The following GPHN variants were observed in gnomAD, a reference collection of about 807,000 sequenced individuals.
GPHN encodes the protein gephyrin.
Under a neutral mutation model 95.5 loss-of-function variants are expected in GPHN, and 17 were observed. The observed-to-expected ratio is 0.18, with a 90% CI of 0.12 to 0.27. The LOEUF (loss-of-function observed/expected upper bound fraction) is 0.27. GPHN is among the 10% of genes least tolerant of loss of function. The probability of loss-of-function intolerance (pLI) is 1.00; values close to 1 mark genes in which losing one functional copy is unlikely to be tolerated. For synonymous variants in GPHN, 320 were observed against 322.5 expected (o/e 0.99, Z 0.08); for missense variants, 660 against 978.1 (o/e 0.67, Z 4.34).
At chr14:66,706,733 C>G (rs935322928) in intron 2 of GPHN, among the ~76,000 whole-genome samples, 2 of 152,050 alleles carry the variant, frequency 1.3e-5, no homozygotes, top group African/African-American at 4.8e-5. Context: ...TAGGTAATAC[C>G]ATTCAGGACA....
At chr14:67,207,036 C>T in the GPHN span, among the ~76,000 whole-genome samples, 28,692 of 151,944 alleles carry the variant, frequency 0.19, 4,296 homozygotes, top group East Asian at 0.42. Flanking sequence ...TTTCCAAATA[C>T]GCTATAATAA....
Position 66,565,432 on chromosome 14 carries a change from A to G in GPHN, c.64+56841A>G, listed in dbSNP as rs919027377. On this transcript the variant is annotated intron_variant, in intron 1 of 22. Coordinates refer to ENST00000478722, the MANE Select transcript of GPHN (RefSeq NM_020806.5). ...TCTCATCTCAGCCTCCCGAGTAGCCAGGACTACAGACATGCACCACCACAC... is the reference window on the plus strand; with the variant it reads ...TCTCATCTCAGCCTCCCGAGTAGCCGGGACTACAGACATGCACCACCACAC... Among the ~76,000 whole-genome samples, 7 of 151,978 alleles carry G rather than the reference A, an allele frequency of 4.6e-5. 1 individual carries two copies. Among genetic ancestry groups the G allele is most frequent in the Non-Finnish European group, 8.8e-5 (6 of 67,976 alleles).
intron 1 of GPHN, among the ~76,000 whole-genome samples, chr14:66,655,384 T>G (rs1255994720): frequency 6.6e-6 from 1 of 152,180 alleles, no homozygotes; most frequent in Admixed American, 6.5e-5. Context: ...TGGCATTATA[T>G]TTTAATTTAA....
At chr14:67,122,627 G>C (rs1003721373) in intron 17 of GPHN, among the ~76,000 whole-genome samples, 1 of 152,168 alleles carries the variant, frequency 6.6e-6, no homozygotes, top group Admixed American at 6.5e-5. Context: ...GGATGTTTTT[G>C]TAATAGTTTT....
At chr14:66,858,256 AG>A (rs2062879287) in intron 4 of GPHN, among the ~76,000 whole-genome samples, 2 of 151,768 alleles carry the variant, frequency 1.3e-5, no homozygotes, top group Admixed American at 6.6e-5. Context: ...CAGCTCCAAA[AG>A]AGACCCCATG....
the GPHN span, among the ~76,000 whole-genome samples, chr14:67,233,456 G>A: frequency 6.6e-6 from 1 of 152,278 alleles, no homozygotes; most frequent in African/African-American, 2.4e-5. Context: ...TTCTGCCATA[G>A]TCTATCACAT....
chr14:67,530,938 A>G, the GPHN span, among the ~76,000 whole-genome samples: 1 of 152,218 alleles, frequency 6.6e-6, no homozygotes, highest in Non-Finnish European at 1.5e-5. Context: ...ATGGCAGCTA[A>G]TACAATCATT....
At chr14:67,082,898 T>C (rs1045981184) in intron 11 of GPHN, among the ~76,000 whole-genome samples, 1 of 152,224 alleles carries the variant, frequency 6.6e-6, no homozygotes, top group African/African-American at 2.4e-5. Context: ...AGTTGATGGA[T>C]ATTTAGGTTT....
the GPHN span, among the ~76,000 whole-genome samples, chr14:67,696,470 T>G: frequency 6.6e-6 from 1 of 152,220 alleles, no homozygotes; most frequent in African/African-American, 2.4e-5. Flanking sequence ...CTTGAAGACA[T>G]TCTCAGGAGA....
rs933127751 is a variant in GPHN, at chr14:66,800,211, C to T, written c.201+23690C>T. On this transcript the variant is annotated intron_variant, in intron 3 of 22. Transcript: ENST00000478722. ...TATTATTTTTAATTGGTTTATTAGT[C>T]TTTCTACTTAAGATAAGAATAGTCT... 2.0e-5 allele frequency among the ~76,000 whole-genome samples: 3 copies of T among 152,050 alleles called. No individual in the cohort carries two copies. In the East Asian group the frequency reaches 5.8e-4, roughly 29 times the overall value.
chr14:67,714,332 A>T, the GPHN span, among the ~76,000 whole-genome samples: 1 of 151,720 alleles, frequency 6.6e-6, no homozygotes, highest in Admixed American at 6.6e-5. Flanking sequence ...TAGAGCTGAG[A>T]TCTGATTATG....
At chr14:67,668,799 G>T in the GPHN span, among the ~76,000 whole-genome samples, 2 of 152,228 alleles carry the variant, frequency 1.3e-5, no homozygotes, top group Non-Finnish European at 2.9e-5. Flanking sequence ...TGGGGCCTGA[G>T]AATTTGCATT....
chr14:66,695,191 AAAT>A (rs1204226017), intron 2 of GPHN, among the ~76,000 whole-genome samples: 1 of 152,002 alleles, frequency 6.6e-6, no homozygotes, highest in Non-Finnish European at 1.5e-5. Flanking sequence ...ATAAAAATAA[AAAT>A]AAACTCTATT....
intron 9 of GPHN, among the ~76,000 whole-genome samples, chr14:66,987,004 A>G (rs1321550318): frequency 6.6e-6 from 1 of 152,154 alleles, no homozygotes; most frequent in Non-Finnish European, 1.5e-5. Flanking sequence ...GTTCTCTAAC[A>G]CTGCTTTATA....
chr14:67,600,239 T>C, the GPHN span: 6 of 1,507,622 alleles, frequency 4.0e-6, no homozygotes, highest in Non-Finnish European at 4.4e-6. Flanking sequence ...CGCGCGGCGC[T>C]GCACTGCGCT....
At chr14:66,998,591 A>G (rs982128572) in intron 9 of GPHN, among the ~76,000 whole-genome samples, 2 of 152,128 alleles carry the variant, frequency 1.3e-5, no homozygotes, top group African/African-American at 2.4e-5. Flanking sequence ...TAGCATCACT[A>G]TGGAGGTAGC....
the GPHN span, among the ~76,000 whole-genome samples, chr14:67,395,159 G>A: frequency 2.0e-5 from 3 of 152,202 alleles, no homozygotes; most frequent in Non-Finnish European, 4.4e-5. Flanking sequence ...CTTGTGTCAT[G>A]GAGGTGTGCA....
chr14:66,634,935 T>C (rs1202554669), intron 1 of GPHN, among the ~76,000 whole-genome samples: 1 of 152,204 alleles, frequency 6.6e-6, no homozygotes, highest in African/African-American at 2.4e-5. Flanking sequence ...AGCAAAAGTT[T>C]ATTATCTCTT....
At chr14:67,257,096 G>A in the GPHN span, among the ~76,000 whole-genome samples, 32 of 152,190 alleles carry the variant, frequency 2.1e-4, no homozygotes, top group South Asian at 4.8e-3. Context: ...AACTTGAGGC[G>A]GGGGCTTTCA....
Sources: gnomAD v4.1 joint callset for allele counts (sites outside exome capture counted in the v4.1 genomes callset) on GRCh38, gnomAD v4.1.1 for gene constraint, MANE v1.5 for transcripts, NCBI Gene and HGNC (gene_info 2026-07-23, HGNC 2026-07-21) for gene names.